Variants in RWDD4 observed in about 807,000 individuals in gnomAD.
The protein encoded by RWDD4 is RWD domain-containing protein 4.
RWDD4 carries 16 observed loss-of-function variants against 30.0 expected under a neutral mutation model. The observed-to-expected ratio is 0.53, with a 90% confidence interval of 0.36 to 0.81. The LOEUF (loss-of-function observed/expected upper bound fraction) is 0.81. Among genes scored for constraint, RWDD4 ranks in the 30% least tolerant of loss-of-function variants. RWDD4 has a pLI of 0.00. For missense variants in RWDD4, 170 were observed against 223.9 expected, an observed-to-expected ratio of 0.76 and a Z score of 1.54; for synonymous variants, 45 against 72.1, an observed-to-expected ratio of 0.62 and a Z score of 1.90.
At chr4:183,646,792 T>C (rs1345894626) in intron 5 of RWDD4, among the ~76,000 whole-genome samples, 1 of 152,204 alleles carries the variant, frequency 6.6e-6, no homozygotes, top group African/African-American at 2.4e-5. Flanking sequence ...GGAAAAAATA[T>C]AGAGATGGGT....
chr4:183,647,268 G>A (rs890007143), intron 5 of RWDD4, among the ~76,000 whole-genome samples: 1 of 152,056 alleles, frequency 6.6e-6, no homozygotes, highest in Non-Finnish European at 1.5e-5. Context: ...TCCACTTTAT[G>A]AAACCTTAAA....
intron 7 of RWDD4, among the ~76,000 whole-genome samples, chr4:183,644,653 C>A (rs1431545285): frequency 6.6e-6 from 1 of 152,034 alleles, no homozygotes; most frequent in Non-Finnish European, 1.5e-5. Context: ...GCGGTGCATG[C>A]CTGTAGTCCT....
intron 1 of RWDD4, among the ~76,000 whole-genome samples, chr4:183,657,672 T>A (rs1734230351): frequency 6.6e-6 from 1 of 152,166 alleles, no homozygotes; most frequent in African/African-American, 2.4e-5. Context: ...ACAGGACATT[T>A]AAAAAATTAA....
At position 183,640,704 on chromosome 4, in the gene RWDD4, A is replaced by G. The variant is rs1360652686; in HGVS notation, c.*732T>C. 1 of 61,080 alleles carries G rather than the reference A, an allele frequency of 1.6e-5. No homozygotes were observed. Among genetic ancestry groups the G allele is most frequent in the Non-Finnish European group, 3.2e-5 (1 of 31,190 alleles). 3.8% of individuals were successfully genotyped at this position (61,080 alleles called of 1,614,324 possible). Reference sequence around the variant, plus strand: ...TTTTACTCCCATCCTGGTATATGCAAGAGAAATGTTTTAAGAAAGGGCCAG... The same window carrying G: ...TTTTACTCCCATCCTGGTATATGCAGGAGAAATGTTTTAAGAAAGGGCCAG... On this transcript the variant is annotated 3_prime_UTR_variant, in exon 8 of 8. Transcript: ENST00000326397.
At chr4:183,655,837 T>A (rs1426262014) in intron 2 of RWDD4, 44 bp downstream of exon 2, 1 of 1,207,832 alleles carries the variant, frequency 8.3e-7, no homozygotes, top group African/African-American at 1.5e-5. Context: ...CTTTCAGTCT[T>A]TTCTAGAAAA....
chr4:183,643,246 G>C (rs1008931699), intron 7 of RWDD4, among the ~76,000 whole-genome samples: 7 of 147,718 alleles, frequency 4.7e-5, no homozygotes, highest in African/African-American at 1.7e-4. Flanking sequence ...GGCCAATATG[G>C]TGAAACCCCA....
intron 2 of RWDD4, among the ~76,000 whole-genome samples, chr4:183,655,273 G>A (rs1237622367): frequency 4.0e-5 from 6 of 151,520 alleles, no homozygotes; most frequent in Non-Finnish European, 8.8e-5. Context: ...AGGTTTATAT[G>A]ACTTATTTAC....
chr4:183,655,491 G>GTGTTA (rs1734173376), intron 2 of RWDD4, among the ~76,000 whole-genome samples: 1 of 151,824 alleles, frequency 6.6e-6, no homozygotes, highest in Non-Finnish European at 1.5e-5. Context: ...TCACCATGTT[G>GTGTTA]GCCAGGATGG....
Position 183,642,259 on chromosome 4 carries a change from G to A in RWDD4, c.535-791C>T, listed in dbSNP as rs550403148. On this transcript the variant is annotated intron_variant, in intron 7 of 7. Coordinates refer to ENST00000326397, the MANE Select transcript of RWDD4 (RefSeq NM_152682.4). ...GGCTGGAGTGCAGTGGCGCGATCTC[G>A]GCTCACTGCAAGCTCCGCCTCCCGG... is the stretch of plus-strand genomic sequence containing the variant. Among the ~76,000 whole-genome samples the A allele has an allele frequency of 3.2e-3, 255 of 80,826 alleles. 28 individuals are homozygous for A. The highest frequency in any genetic ancestry group is 0.029 in the East Asian group (77 of 2,686). The allele number at this position is 80,826 out of a possible 152,430, so 53.0% of individuals were successfully genotyped here.
In RWDD4 at chr4:183,646,524, T is replaced by G. The variant is rs969784217; in HGVS notation, c.495A>C (p.Glu165Asp). Residue 165 changes from glutamate to aspartate, a missense_variant, in exon 6 of 8, where the codon GAA becomes GAC. By Grantham distance (45) the Glu-to-Asp change is conservative. Coordinates refer to ENST00000326397, the MANE Select transcript of RWDD4 (RefSeq NM_152682.4). ...KLADKTDHKG[E>D]LPRGWNWVDV... ...CAACCCAGTTCCAGCCTCGAGGAAGTTCTCCTTTGTGATCTAGAAGATAAA... is the reference window on the plus strand; with the variant it reads ...CAACCCAGTTCCAGCCTCGAGGAAGGTCTCCTTTGTGATCTAGAAGATAAA... The G allele has an allele frequency of 1.2e-6, 2 of 1,611,758 alleles. No individual in the cohort carries two copies. The highest frequency in any genetic ancestry group is 1.3e-5 in the African/African-American group (1 of 74,834).
At chr4:183,647,678 T>C (rs936048142) in intron 5 of RWDD4, among the ~76,000 whole-genome samples, 4 of 152,174 alleles carry the variant, frequency 2.6e-5, no homozygotes, top group Admixed American at 6.5e-5. Flanking sequence ...CTAACTGACA[T>C]AGATGCTACA....
In RWDD4 at chr4:183,651,178, A is replaced by G; in HGVS notation, c.215+40T>C. ...CCTTGCTGAGAGAAAAGTATAACAG[A>G]GAGTGAAATGAAAAGCAGTAAAAAC... On this transcript the variant is annotated intron_variant, in intron 3 of 7. Coordinates refer to ENST00000326397, the MANE Select transcript of RWDD4 (RefSeq NM_152682.4). 4 of 1,601,026 alleles carry G rather than the reference A, an allele frequency of 2.5e-6. No individual in the cohort carries two copies. The South Asian group carries it at 4.4e-5, about 18-fold the overall frequency.
intron 5 of RWDD4, among the ~76,000 whole-genome samples, chr4:183,649,064 T>C (rs1734022147): frequency 6.6e-6 from 1 of 151,928 alleles, no homozygotes; most frequent in South Asian, 2.1e-4. Flanking sequence ...TAAGAATTAA[T>C]CTAAATATAT....
intron 7 of RWDD4, among the ~76,000 whole-genome samples, chr4:183,643,137 C>T (rs776834089): frequency 3.3e-5 from 4 of 122,818 alleles, no homozygotes; most frequent in South Asian, 2.6e-4. Flanking sequence ...AAAAAGAAAA[C>T]GGGTTAAGGC....
intron 7 of RWDD4, among the ~76,000 whole-genome samples, chr4:183,643,091 T>TAAAA (rs1733894178): frequency 1.1e-5 from 1 of 89,182 alleles, no homozygotes; most frequent in African/African-American, 4.4e-5. Context: ...AATAAATAAA[T>TAAAA]AAATAAATAA....
chr4:183,642,338 C>T (rs1198188259), intron 7 of RWDD4, among the ~76,000 whole-genome samples: 2 of 127,686 alleles, frequency 1.6e-5, no homozygotes, highest in African/African-American at 3.6e-5. Flanking sequence ...TACAGGCGCC[C>T]GCTACCACGC....
intron 4 of RWDD4, among the ~76,000 whole-genome samples, chr4:183,650,523 AAAT>A (rs1427553526): frequency 6.6e-6 from 1 of 152,228 alleles, no homozygotes; most frequent in Non-Finnish European, 1.5e-5. Context: ...ACTATTCTAG[AAAT>A]AATAATAAAA....
At chr4:183,654,963 T>C (rs771033971) in intron 2 of RWDD4, among the ~76,000 whole-genome samples, 7 of 152,234 alleles carry the variant, frequency 4.6e-5, no homozygotes, top group Non-Finnish European at 8.8e-5. Context: ...GTTTTTTTTT[T>C]TGAGTCCCGC....
intron 1 of RWDD4, chr4:183,656,214 C>T: frequency 3.5e-6 from 1 of 287,226 alleles, no homozygotes; most frequent in Non-Finnish European, 6.4e-6. Flanking sequence ...TCAAATCAAC[C>T]CTGTCAAGAG....
Sources: allele counts gnomAD v4.1 joint callset (sites outside exome capture counted in the v4.1 genomes callset), GRCh38; gene constraint gnomAD v4.1.1; transcripts MANE v1.5; gene names NCBI Gene and HGNC (gene_info 2026-07-23, HGNC 2026-07-21).